The following ST8SIA4 variants were observed in gnomAD, a reference collection of about 807,000 sequenced individuals.
ST8SIA4 encodes the protein CMP-N-acetylneuraminate-poly-alpha-2,8-sialyltransferase.
ST8SIA4 carries 15 observed loss-of-function variants against 33.9 expected under a neutral mutation model. The observed-to-expected ratio is 0.44, with a 90% CI of 0.30 to 0.68. The LOEUF (loss-of-function observed/expected upper bound fraction) is 0.68. Ranked by LOEUF, ST8SIA4 falls within the 30% of genes least tolerant of loss-of-function variation. The probability of loss-of-function intolerance (pLI) is 0.10; values close to 1 mark genes in which losing one functional copy is unlikely to be tolerated. For missense variants in ST8SIA4, 321 were observed against 428.0 expected (o/e 0.75, Z 2.21); for synonymous variants, 171 against 151.2 (o/e 1.13, Z -0.96).
At chr5:100,883,723 G>C (rs76935107) in intron 3 of ST8SIA4, among the ~76,000 whole-genome samples, 1 of 152,086 alleles carries the variant, frequency 6.6e-6, no homozygotes, top group East Asian at 1.9e-4. Context: ...TAAGTCTTAC[G>C]AGATCTGATG....
Position 100,887,572 on chromosome 5 carries a change from GTAAA to G in ST8SIA4, c.246-976_246-973del, listed in dbSNP as rs1752567117. Among the ~76,000 whole-genome samples, 6 of 151,938 alleles carry G rather than the reference GTAAA, an allele frequency of 3.9e-5. No homozygotes were observed. The South Asian group carries it at 8.3e-4, about 21-fold the overall frequency. ...TAACAGATTGAGAGGCTACATGAAC[GTAAA>G]TATATGCATATGCTAAGTAGGTAGA... On this transcript the variant is annotated intron_variant, in intron 2 of 4. Coordinates refer to ENST00000231461, the MANE Select transcript of ST8SIA4 (RefSeq NM_005668.6).
intron 2 of ST8SIA4, among the ~76,000 whole-genome samples, chr5:100,887,041 G>T (rs1335253591): frequency 6.6e-6 from 1 of 151,902 alleles, no homozygotes; most frequent in Admixed American, 6.6e-5. Flanking sequence ...GATTGTTTTT[G>T]ATTGTATCAT....
In ST8SIA4 at chr5:100,829,824, C is replaced by T. The variant is rs544163258; in HGVS notation, c.798-17695G>A. Among the ~76,000 whole-genome samples, 6 of 151,072 alleles carry T rather than the reference C, an allele frequency of 4.0e-5. No homozygotes were observed. In the South Asian group the frequency reaches 1.3e-3, roughly 31 times the overall value. On this transcript the variant is annotated intron_variant, in intron 4 of 4. Transcript: ENST00000231461. ...TCGGGAGGCTGAGGCAGGAGAATGG[C>T]GTGAACCCGGGAGGCGGAGCTTGCA...
intron 3 of ST8SIA4, among the ~76,000 whole-genome samples, chr5:100,876,027 A>G (rs914041860): frequency 1.3e-5 from 2 of 152,082 alleles, no homozygotes; most frequent in East Asian, 1.9e-4. Context: ...AGTCAACTGA[A>G]TATTTGGAAT....
chr5:100,813,542 C>T (rs557498722), intron 4 of ST8SIA4, among the ~76,000 whole-genome samples: 35 of 151,914 alleles, frequency 2.3e-4, no homozygotes, highest in Non-Finnish European at 3.8e-4. Flanking sequence ...GGAATTTTCT[C>T]ATAACTCAAA....
chr5:100,850,133 C>G (rs1322154033), intron 4 of ST8SIA4, among the ~76,000 whole-genome samples: 1 of 152,088 alleles, frequency 6.6e-6, no homozygotes, highest in African/African-American at 2.4e-5. Context: ...TATTACTACA[C>G]ATGGAATCAA....
At chr5:100,883,511 T>C (rs192455538) in intron 3 of ST8SIA4, among the ~76,000 whole-genome samples, 1 of 152,272 alleles carries the variant, frequency 6.6e-6, no homozygotes, top group East Asian at 1.9e-4. Context: ...TGGGGGACTG[T>C]TGGGAAGGCA....
At chr5:100,820,592 A>G (rs1166011868) in intron 4 of ST8SIA4, among the ~76,000 whole-genome samples, 2 of 152,108 alleles carry the variant, frequency 1.3e-5, no homozygotes, top group Non-Finnish European at 2.9e-5. Context: ...AAGCTAATGT[A>G]AGAGAATGAA....
chr5:100,821,656 C>T (rs2400372), intron 4 of ST8SIA4, among the ~76,000 whole-genome samples: 86,849 of 151,256 alleles, frequency 0.57, 25,526 homozygotes, highest in South Asian at 0.73. Flanking sequence ...AATAATGTAA[C>T]ATTCTTGCTA....
chr5:100,903,164 T>A lies in ST8SIA4; in HGVS notation c.-209A>T, dbSNP rs975717800. 5.2e-6 allele frequency: 3 copies of A among 573,228 alleles called. No individual in the cohort carries two copies. Among genetic ancestry groups the A allele is most frequent in the Non-Finnish European group, 9.3e-6 (3 of 323,116 alleles). The allele number at this position is 573,228 out of a possible 1,614,324, so 35.5% of individuals were successfully genotyped here. A position where few individuals can be genotyped will look rare whatever the true frequency, so the allele number is the denominator to read the frequency against. Reference sequence around the variant, plus strand: ...CTGCCCAGCGACCTCTCGCCCTGTTTGCGCCAGCTCTGCCAGGGTCGCTCC... The same window carrying A: ...CTGCCCAGCGACCTCTCGCCCTGTTAGCGCCAGCTCTGCCAGGGTCGCTCC... On this transcript the variant is annotated 5_prime_UTR_variant, in exon 1 of 5. Coordinates refer to ENST00000231461, the MANE Select transcript of ST8SIA4 (RefSeq NM_005668.6).
chr5:100,836,832 C>T (rs750259744), intron 4 of ST8SIA4, among the ~76,000 whole-genome samples: 2 of 151,798 alleles, frequency 1.3e-5, no homozygotes. Flanking sequence ...AAATAAAATC[C>T]ATCAGAGAAA....
intron 1 of ST8SIA4, among the ~76,000 whole-genome samples, chr5:100,898,869 A>C (rs188845464): frequency 6.6e-6 from 1 of 152,346 alleles, no homozygotes; most frequent in East Asian, 1.9e-4. Flanking sequence ...TTTTAAAAGG[A>C]AAATAGCGAA....
Position 100,812,671 on chromosome 5 carries a change from C to T in ST8SIA4, c.798-542G>A, listed in dbSNP as rs550911092. 2.0e-4 allele frequency among the ~76,000 whole-genome samples: 31 copies of T among 152,248 alleles called. 1 individual carries two copies. In the South Asian group the frequency reaches 6.2e-3, roughly 31 times the overall value. ...TTACTAAAGCAAATTAGAAGCCTCACTTCCACTCACATAAGAACAACAATA... is the reference window on the plus strand; with the variant it reads ...TTACTAAAGCAAATTAGAAGCCTCATTTCCACTCACATAAGAACAACAATA... On this transcript the variant is annotated intron_variant, in intron 4 of 4. Coordinates refer to ENST00000231461, the MANE Select transcript of ST8SIA4 (RefSeq NM_005668.6).
At chr5:100,812,259 G>T in intron 4 of ST8SIA4, 130 bp from the exon 5 acceptor site, 4 of 680,148 alleles carry the variant, frequency 5.9e-6, no homozygotes, top group Admixed American at 3.7e-5. Flanking sequence ...AATTACTGAA[G>T]AAATATTTTT....
chr5:100,896,283 T>C (rs1752778431), intron 1 of ST8SIA4, among the ~76,000 whole-genome samples: 1 of 152,008 alleles, frequency 6.6e-6, no homozygotes, highest in Non-Finnish European at 1.5e-5. Context: ...AAGAGCAAAA[T>C]CCTGCCATTT....
At chr5:100,841,188 A>T (rs1433334285) in intron 4 of ST8SIA4, among the ~76,000 whole-genome samples, 2 of 151,868 alleles carry the variant, frequency 1.3e-5, no homozygotes, top group African/African-American at 4.8e-5. Flanking sequence ...ATTGCCTTCC[A>T]TGCCCTTCTA....
intron 3 of ST8SIA4, among the ~76,000 whole-genome samples, chr5:100,873,618 A>G (rs1752244920): frequency 6.6e-6 from 1 of 152,064 alleles, no homozygotes; most frequent in Non-Finnish European, 1.5e-5. Context: ...TTTTCTTGTT[A>G]CCAAGGGGAA....
At chr5:100,813,956 C>T (rs1033242158) in intron 4 of ST8SIA4, among the ~76,000 whole-genome samples, 1 of 152,068 alleles carries the variant, frequency 6.6e-6, no homozygotes, top group East Asian at 1.9e-4. Context: ...TGAATTATTT[C>T]TAAAGTGAGA....
chr5:100,871,770 G>T (rs1311008468), intron 3 of ST8SIA4, among the ~76,000 whole-genome samples: 1 of 151,956 alleles, frequency 6.6e-6, no homozygotes, highest in Admixed American at 6.6e-5. Context: ...TACAGTTTGT[G>T]CTTTTCTTTA....
Sources: gnomAD v4.1 joint callset for allele counts (sites outside exome capture counted in the v4.1 genomes callset) on GRCh38, gnomAD v4.1.1 for gene constraint, MANE v1.5 for transcripts, NCBI Gene and HGNC (gene_info 2026-07-23, HGNC 2026-07-21) for gene names.